The following GPHN variants were observed in gnomAD, a reference collection of about 807,000 sequenced individuals.
GPHN encodes the protein gephyrin.
In GPHN, 17 loss-of-function variants were observed where a neutral mutation model predicts 95.5. That is an observed-to-expected ratio of 0.18 (90% CI 0.12 to 0.27). The LOEUF is 0.27. Among genes scored for constraint, GPHN ranks in the 10% least tolerant of loss-of-function variants. The pLI is 1.00. For synonymous variants in GPHN, 320 were observed against 322.5 expected, an observed-to-expected ratio of 0.99 and a Z score of 0.08; for missense variants, 660 against 978.1, an observed-to-expected ratio of 0.67 and a Z score of 4.34.
chr14:67,552,438 G>A, the GPHN span, among the ~76,000 whole-genome samples: 1 of 152,238 alleles, frequency 6.6e-6, no homozygotes, highest in Non-Finnish European at 1.5e-5. Context: ...AAGTGAATAT[G>A]AAATGCTTTG....
In GPHN at chr14:66,614,578, CT is replaced by C. The variant is rs58001259; in HGVS notation, c.65-66515del. On this transcript the variant is annotated intron_variant, in intron 1 of 22. Coordinates refer to ENST00000478722, the MANE Select transcript of GPHN (RefSeq NM_020806.5). ...ATATTCTTTCACTCCAAAACTTTAG[CT>C]TTTTTTTTTTTTTGCCTATTGTGAT... Among the ~76,000 whole-genome samples the C allele has an allele frequency of 5.4e-3, 751 of 137,872 alleles. 1 individual carries two copies. Among genetic ancestry groups the C allele is most frequent in the East Asian group, 0.013 (61 of 4,836 alleles). 90.4% of individuals were successfully genotyped at this position (137,872 alleles called of 152,430 possible). A position where few individuals can be genotyped will look rare whatever the true frequency, so the allele number is the denominator to read the frequency against.
chr14:67,602,971 A>G, the GPHN span, among the ~76,000 whole-genome samples: 1 of 152,354 alleles, frequency 6.6e-6, no homozygotes, highest in African/African-American at 2.4e-5. Context: ...TTATTATAAT[A>G]AAGGGTCCAT....
chr14:67,102,881 G>C (rs956263775), intron 13 of GPHN, among the ~76,000 whole-genome samples: 4 of 152,058 alleles, frequency 2.6e-5, no homozygotes, highest in African/African-American at 9.7e-5. Flanking sequence ...GAGGAGATTC[G>C]CATGCAACTC....
At position 66,566,403 on chromosome 14, in the gene GPHN, G is replaced by T. The variant is rs764618063; in HGVS notation, c.64+57812G>T. Among the ~76,000 whole-genome samples, 132 of 152,070 alleles carry T rather than the reference G, an allele frequency of 8.7e-4. 1 individual carries two copies. Among genetic ancestry groups the T allele is most frequent in the Admixed American group, 3.1e-3 (48 of 15,266 alleles). On this transcript the variant is annotated intron_variant, in intron 1 of 22. Transcript: ENST00000478722. ...TTTTGTTTTTTTTAATTTTGCAGCT[G>T]ACATGAGAGGACAGCTGTGCTGTTT... is the stretch of plus-strand genomic sequence containing the variant.
At chr14:67,019,108 A>G (rs2153622815) in intron 9 of GPHN, among the ~76,000 whole-genome samples, 1 of 152,370 alleles carries the variant, frequency 6.6e-6, no homozygotes, top group East Asian at 1.9e-4. Flanking sequence ...AAGAGCTGAA[A>G]TAAGCCTATT....
chr14:66,653,105 C>T (rs549380402), intron 1 of GPHN, among the ~76,000 whole-genome samples: 1 of 152,232 alleles, frequency 6.6e-6, no homozygotes, highest in East Asian at 1.9e-4. Context: ...GGGAGCTGGT[C>T]CTGGTACTCG....
chr14:66,806,420 C>T (rs2060545528), intron 3 of GPHN, among the ~76,000 whole-genome samples: 1 of 152,230 alleles, frequency 6.6e-6, no homozygotes, highest in Admixed American at 6.5e-5. Context: ...CAGATTTCTG[C>T]AGCCAGCTTG....
chr14:67,562,833 T>C, the GPHN span: 1 of 1,613,688 alleles, frequency 6.2e-7, no homozygotes, highest in Non-Finnish European at 8.5e-7. Flanking sequence ...GGAGCTGAGC[T>C]GGAGGAAGTG....
At chr14:66,548,777 A>G (rs1594919360) in intron 1 of GPHN, among the ~76,000 whole-genome samples, 2 of 152,246 alleles carry the variant, frequency 1.3e-5, no homozygotes, top group South Asian at 4.1e-4. Context: ...AAGGAATACT[A>G]AAAACTGAGA....
intron 1 of GPHN, among the ~76,000 whole-genome samples, chr14:66,574,893 C>T (rs1479720789): frequency 6.6e-6 from 1 of 152,174 alleles, no homozygotes; most frequent in Non-Finnish European, 1.5e-5. Context: ...ACACCCCTCC[C>T]CTGTCCTATG....
chr14:66,659,724 A>T (rs1278021989), intron 1 of GPHN, among the ~76,000 whole-genome samples: 1 of 152,022 alleles, frequency 6.6e-6, no homozygotes, highest in East Asian at 1.9e-4. Flanking sequence ...TTTACCTGGT[A>T]TTAATACAGC....
the GPHN span, among the ~76,000 whole-genome samples, chr14:67,351,677 TTTCTTC>T: frequency 1.3e-5 from 2 of 151,578 alleles, no homozygotes; most frequent in African/African-American, 2.4e-5. Flanking sequence ...CTCTGCTAAT[TTTCTTC>T]TTCTTCTTCT....
chr14:67,642,799 T>TTTTC, the GPHN span, among the ~76,000 whole-genome samples: 6 of 96,124 alleles, frequency 6.2e-5, 1 homozygote, highest in African/African-American at 2.7e-4. Context: ...TTTTCTTTTT[T>TTTTC]TTTTTTTTTT....
At chr14:67,320,522 T>C in the GPHN span, 1 of 880,632 alleles carries the variant, frequency 1.1e-6, no homozygotes, top group East Asian at 2.9e-5. Flanking sequence ...AAGAGGAACT[T>C]TAACCAAAGA....
intron 5 of GPHN, among the ~76,000 whole-genome samples, chr14:66,884,251 C>G (rs2064075114): frequency 6.6e-6 from 1 of 151,996 alleles, no homozygotes; most frequent in African/African-American, 2.4e-5. Context: ...AGGCCTAGCC[C>G]CATTAAGAGC....
the GPHN span, among the ~76,000 whole-genome samples, chr14:67,430,874 G>A: frequency 6.6e-6 from 1 of 152,278 alleles, no homozygotes; most frequent in South Asian, 2.1e-4. Flanking sequence ...TGTGACTTTG[G>A]TATGAGCATA....
the GPHN span, among the ~76,000 whole-genome samples, chr14:67,305,034 C>CA: frequency 6.6e-6 from 1 of 152,092 alleles, no homozygotes; most frequent in African/African-American, 2.4e-5. Flanking sequence ...TTTATGTTTA[C>CA]AGTTTTTTTG....
At chr14:67,364,886 A>G in the GPHN span, 7 of 1,613,976 alleles carry the variant, frequency 4.3e-6, no homozygotes, top group East Asian at 2.2e-5. Context: ...CTGGAATACA[A>G]CAACATTGAA....
At chr14:67,291,647 C>T in the GPHN span, among the ~76,000 whole-genome samples, 59 of 152,286 alleles carry the variant, frequency 3.9e-4, no homozygotes, top group Non-Finnish European at 7.5e-4. Flanking sequence ...TATTTATGCA[C>T]ACTAACAGGC....
Sources: allele counts gnomAD v4.1 joint callset (sites outside exome capture counted in the v4.1 genomes callset), GRCh38; gene constraint gnomAD v4.1.1; transcripts MANE v1.5; gene names NCBI Gene and HGNC (gene_info 2026-07-23, HGNC 2026-07-21).